Variants in RNH1 observed in about 807,000 individuals in gnomAD.
RNH1 encodes the protein ribonuclease/angiogenin inhibitor 1.
Under a neutral mutation model 46.1 loss-of-function variants are expected in RNH1, and 38 were observed. The observed-to-expected ratio is 0.82, with a 90% CI of 0.64 to 1.08. The LOEUF (loss-of-function observed/expected upper bound fraction) is 1.08. Among genes scored for constraint, RNH1 ranks in the 50% least tolerant of loss-of-function variants. RNH1 has a pLI of 0.00. For missense variants in RNH1, 577 were observed against 590.7 expected (o/e 0.98, Z 0.24); for synonymous variants, 319 against 279.1 (o/e 1.14, Z -1.43).
At chr11:499,280 C>T in intron 5 of RNH1, 95 bp from the exon 6 acceptor site, 7 of 1,363,860 alleles carry the variant, frequency 5.1e-6, no homozygotes, top group Non-Finnish European at 6.0e-6. Flanking sequence ...CTCATCTCCC[C>T]TCAGTCTTCT....
At chr11:495,656 G>T (rs953199092) in intron 9 of RNH1, among the ~76,000 whole-genome samples, 1 of 152,204 alleles carries the variant, frequency 6.6e-6, no homozygotes, top group Non-Finnish European at 1.5e-5. Context: ...GAGTGGCTCA[G>T]GGGGAACAAG....
chr11:494,546 G>A lies in RNH1; in HGVS notation c.*145C>T, dbSNP rs1848861528. The A allele has an allele frequency of 2.7e-6, 2 of 749,474 alleles. No individual in the cohort carries two copies. 46.4% of individuals were successfully genotyped at this position (749,474 alleles called of 1,614,324 possible). ...GAAAGTGCTTTAATGATTATAAAGT[G>A]TCCAAAATATACTGGCAGAAATAAG... is the stretch of plus-strand genomic sequence containing the variant. On this transcript the variant is annotated 3_prime_UTR_variant, in exon 11 of 11. Transcript: ENST00000354420.
At chr11:499,513 C>G (rs573436948) in intron 5 of RNH1, 8 of 697,302 alleles carry the variant, frequency 1.1e-5, no homozygotes, top group Non-Finnish European at 2.1e-5. Context: ...CCCCCACACA[C>G]ACTGAGGCGG....
At chr11:498,212 CT>C in intron 8 of RNH1, 71 bp from the exon 9 acceptor site, 1 of 1,509,908 alleles carries the variant, frequency 6.6e-7, no homozygotes. Flanking sequence ...GGCCCTTCCC[CT>C]GAAGGCCCCA....
Position 499,038 on chromosome 11 carries a change from G to A in RNH1, c.591C>T (p.Ser197=), listed in dbSNP as rs372227616. ...VRVLCQGLKD[S]PCQLEALKLE... The stretch of plus-strand genomic sequence containing the variant: ...ACTTGAGCGCCTCCAGCTGGCAGGG[G>A]GAGTCCTTCAGGCCCTGGCACAGCA... Residue 197 remains serine, a synonymous_variant, in exon 6 of 11, where the codon TCC becomes TCT. Transcript: ENST00000354420. 1.1e-5 allele frequency: 18 copies of A among 1,613,220 alleles called. No individual in the cohort carries two copies. Among genetic ancestry groups the A allele is most frequent in the Non-Finnish European group, 1.4e-5 (17 of 1,179,930 alleles).
Position 497,837 on chromosome 11 carries a change from T to G in RNH1, c.1127+134A>C, listed in dbSNP as rs188782221. 1.7e-4 allele frequency: 182 copies of G among 1,075,180 alleles called. 1 individual carries two copies. The East Asian group carries it at 3.3e-3, about 19-fold the overall frequency. The allele number at this position is 1,075,180 out of a possible 1,614,324, so 66.6% of individuals were successfully genotyped here. Reference sequence around the variant, plus strand: ...CATATGCTCACACACGTGCTCACACTCGCCTCACCCATGTGTGCTCACATA... The same window carrying G: ...CATATGCTCACACACGTGCTCACACGCGCCTCACCCATGTGTGCTCACATA... On this transcript the variant is annotated intron_variant, in intron 9 of 10. Coordinates refer to ENST00000354420, the MANE Select transcript of RNH1 (RefSeq NM_203387.3).
At chr11:500,845 G>GGATCCCAC in intron 3 of RNH1, 191 bp from the exon 4 acceptor site, 1 of 749,164 alleles carries the variant, frequency 1.3e-6, no homozygotes, top group Non-Finnish European at 2.3e-6. Flanking sequence ...ATGCTCGCAC[G>GGATCCCAC]TGGCCAGGCG....
rs1849729508 is a variant in RNH1 at position 501,284 on chromosome 11, T to A, written c.102-630A>T. 5.5e-6 allele frequency: 1 copy of A among 180,194 alleles called. No individual in the cohort carries two copies. Among genetic ancestry groups the A allele is most frequent in the African/African-American group, 2.4e-5 (1 of 41,894 alleles). 11.2% of individuals were successfully genotyped at this position (180,194 alleles called of 1,614,324 possible). A position where few individuals can be genotyped will look rare whatever the true frequency, so the allele number is the denominator to read the frequency against. On this transcript the variant is annotated intron_variant, in intron 3 of 10. Coordinates refer to ENST00000354420, the MANE Select transcript of RNH1 (RefSeq NM_203387.3). The surrounding 1 kb of genome is among the most constrained non-coding windows in gnomAD (Gnocchi z 4.1). Reference sequence around the variant, plus strand: ...GCATTCCTGCCAAAACTGTAGGACTTCAACCACAAGAAACCACCAGACAAG... The same window carrying A: ...GCATTCCTGCCAAAACTGTAGGACTACAACCACAAGAAACCACCAGACAAG...
In RNH1 at chr11:500,001, T is replaced by C; in HGVS notation, c.273-2A>G. On this transcript the variant is annotated splice_acceptor_variant, in intron 4 of 10. Transcript: ENST00000354420. LOFTEE classifies it high-confidence loss of function. Reference sequence around the variant, plus strand: ...CCCGTCAGGCAGCAGTTCTGGAGGCTGGAGCATACCTGGCTGTCAGCAGGG... The same window carrying C: ...CCCGTCAGGCAGCAGTTCTGGAGGCCGGAGCATACCTGGCTGTCAGCAGGG... 1 of 1,553,404 alleles carries C rather than the reference T, an allele frequency of 6.4e-7. No individual in the cohort carries two copies. Among genetic ancestry groups the C allele is most frequent in the South Asian group, 1.2e-5 (1 of 84,594 alleles).
At chr11:497,488 C>T (rs1398534701) in intron 9 of RNH1, among the ~76,000 whole-genome samples, 11 of 144,156 alleles carry the variant, frequency 7.6e-5, no homozygotes, top group Non-Finnish European at 6.1e-5. Flanking sequence ...TGTGCTCACA[C>T]TCACACGGAC....
rs1849787285 is a variant in RNH1, at chr11:501,973, C to T, written c.101+89G>A. 2.1e-5 allele frequency: 16 copies of T among 769,726 alleles called. No individual in the cohort carries two copies. In the South Asian group the frequency reaches 2.2e-4, roughly 11 times the overall value. 47.7% of individuals were successfully genotyped at this position (769,726 alleles called of 1,614,324 possible). A position where few individuals can be genotyped will look rare whatever the true frequency, so the allele number is the denominator to read the frequency against. ...TCATACTTCATGTCCACAAACAAGG[C>T]GTTCCAGAGCAATGCACCCTTCAGA... On this transcript the variant is annotated intron_variant, in intron 3 of 10. Transcript: ENST00000354420. This position sits in a 1 kb window ranked among gnomAD's most constrained non-coding sequence, Gnocchi z 4.1.
rs372920831 is a variant in RNH1, at chr11:499,164, C to G, written c.465G>C (p.Ser155=). 28 of 1,612,440 alleles carry G rather than the reference C, an allele frequency of 1.7e-5. No individual in the cohort carries two copies. In the African/African-American group the frequency reaches 3.6e-4, roughly 21 times the overall value. The stretch of plus-strand genomic sequence containing the variant: ...AGGCCAGGGGCTCGCAGCTGGCAGC[C>G]GAGAGGCTGCAATACTCCAGCCTGG... ...EKLQLEYCSL[S]AASCEPLASV... is the part of the protein sequence containing the mutation. Residue 155 remains serine (S), a synonymous_variant, in exon 6 of 11, where the codon TCG becomes TCC. Coordinates refer to ENST00000354420, the MANE Select transcript of RNH1 (RefSeq NM_203387.3).
chr11:505,491 T>C (rs1363223515), intron 1 of RNH1: 1 of 152,194 alleles, frequency 6.6e-6, no homozygotes, highest in African/African-American at 2.4e-5. Context: ...AAGAAGCAGA[T>C]TCTCCTTGGG....
intron 9 of RNH1, among the ~76,000 whole-genome samples, chr11:495,640 C>T (rs1848988153): frequency 2.0e-5 from 3 of 152,338 alleles, no homozygotes; most frequent in Admixed American, 6.5e-5. Flanking sequence ...AGGACCCCCA[C>T]CCTGTGAGTG....
intron 5 of RNH1, 64 bp downstream of exon 5, chr11:499,765 G>A: frequency 1.3e-6 from 2 of 1,569,292 alleles, no homozygotes; most frequent in African/African-American, 1.3e-5. Flanking sequence ...GATGTTCTAT[G>A]TAGGGGGCTG....
rs1258014126 is a variant in RNH1 at position 503,387 on chromosome 11, T to A, written c.-87-1138A>T. 4 of 152,296 alleles carry A rather than the reference T, an allele frequency of 2.6e-5. No individual in the cohort carries two copies. The East Asian group carries it at 7.7e-4, about 29-fold the overall frequency. The allele number at this position is 152,296 out of a possible 1,614,324, so 9.4% of individuals were successfully genotyped here. A position where few individuals can be genotyped will look rare whatever the true frequency, so the allele number is the denominator to read the frequency against. ...TCAGAGGCGGCTGGTCCACTCTGCA[T>A]GAGTGGAGGCAAGAGGCCCCTGGTA... On this transcript the variant is annotated intron_variant, in intron 2 of 10. Coordinates refer to ENST00000354420, the MANE Select transcript of RNH1 (RefSeq NM_203387.3).
At chr11:495,720 T>TCCTGGCAGCCAGGATGGTGTCC (rs1406254373) in intron 9 of RNH1, among the ~76,000 whole-genome samples, 1 of 151,942 alleles carries the variant, frequency 6.6e-6, no homozygotes, top group Non-Finnish European at 1.5e-5. Flanking sequence ...ACCCACAAGG[T>TCCTGGCAGCCAGGATGGTGTCC]CCTGGCAGCC....
Position 498,785 on chromosome 11 carries a change from T to C in RNH1, c.763A>G (p.Ser255Gly), listed in dbSNP as rs528683953. 2 of 1,603,726 alleles carry C rather than the reference T, an allele frequency of 1.2e-6. No individual in the cohort carries two copies. Among genetic ancestry groups the C allele is most frequent in the Admixed American group, 3.3e-5 (2 of 59,840 alleles). The change falls in exon 7 of 11, where the codon AGC becomes GGC. Residue 255 changes from serine (S) to glycine (G), a missense_variant. Coordinates refer to ENST00000354420, the MANE Select transcript of RNH1 (RefSeq NM_203387.3). The stretch of plus-strand genomic sequence containing the variant: ...CACCACAGGGTCCTGAGCCTGGAGC[T>C]GGGGTGGAGCAGCCCTGGGCACAGC... The part of the protein sequence containing the change: ...AELCPGLLHP[S>G]SRLRTLWIWE...
intron 1 of RNH1, chr11:505,869 T>C (rs1431250660): frequency 2.0e-5 from 3 of 148,802 alleles, no homozygotes; most frequent in African/African-American, 7.5e-5. Flanking sequence ...CCCAGCCTAA[T>C]GTAACTTTTT....
Sources: allele counts gnomAD v4.1 joint callset (sites outside exome capture counted in the v4.1 genomes callset), GRCh38; gene constraint gnomAD v4.1.1; non-coding constraint Gnocchi (gnomAD v3.1); transcripts MANE v1.5; gene names NCBI Gene and HGNC (gene_info 2026-07-23, HGNC 2026-07-21).